The following DLGAP2 variants were observed in gnomAD, a reference collection of about 807,000 sequenced individuals.
DLGAP2 encodes the protein DLG associated protein 2.
A neutral mutation model predicts 100.3 loss-of-function variants in DLGAP2; 26 were observed. The ratio of observed to expected loss-of-function variants is 0.26; its 90% CI spans 0.19 to 0.36. The LOEUF (loss-of-function observed/expected upper bound fraction) is 0.36. Among genes scored for constraint, DLGAP2 ranks in the 10% least tolerant of loss-of-function variants. DLGAP2 has a pLI of 1.00. For missense variants in DLGAP2, 1,858 were observed against 1,453.2 expected (o/e 1.28, Z -4.53); for synonymous variants, 886 against 630.1 (o/e 1.41, Z -6.08).
intron 4 of DLGAP2, among the ~76,000 whole-genome samples, chr8:1,511,381 TAGATG>T (rs1800155881): frequency 6.9e-6 from 1 of 145,068 alleles, no homozygotes; most frequent in African/African-American, 2.5e-5. Context: ...GGACAATCAG[TAGATG>T]ACCATCTTCC....
chr8:1,493,452 C>A (rs750581405), intron 3 of DLGAP2, among the ~76,000 whole-genome samples: 1 of 152,158 alleles, frequency 6.6e-6, no homozygotes, highest in Non-Finnish European at 1.5e-5. Flanking sequence ...CACGCCTCTG[C>A]GAGCCCAGTG....
intron 3 of DLGAP2, among the ~76,000 whole-genome samples, chr8:1,287,153 TGTGTGCGCGC>T (rs1799940442): frequency 1.6e-5 from 2 of 127,720 alleles, no homozygotes; most frequent in Non-Finnish European, 3.5e-5. Context: ...TGTGTGTGTG[TGTGTGCGCGC>T]GCGCGCGTGG....
chr8:1,407,516 C>T (rs545409805), intron 3 of DLGAP2, among the ~76,000 whole-genome samples: 1 of 145,436 alleles, frequency 6.9e-6, no homozygotes, highest in African/African-American at 2.5e-5. Context: ...ACCTCCTCAT[C>T]GTCCAGAGTC....
intron 2 of DLGAP2, among the ~76,000 whole-genome samples, chr8:1,251,773 C>T (rs1236688449): frequency 6.6e-6 from 1 of 152,220 alleles, no homozygotes; most frequent in East Asian, 1.9e-4. Flanking sequence ...TCATCTTGTC[C>T]TAGGGTTGTG....
At chr8:1,569,624 A>G (rs1460756214) in intron 6 of DLGAP2, among the ~76,000 whole-genome samples, 2 of 152,192 alleles carry the variant, frequency 1.3e-5, no homozygotes, top group Non-Finnish European at 2.9e-5. Context: ...TCCATTTTAG[A>G]TGACATTGCT....
At chr8:1,191,131 A>G (rs1342500922) in intron 2 of DLGAP2, among the ~76,000 whole-genome samples, 1 of 152,064 alleles carries the variant, frequency 6.6e-6, no homozygotes, top group Non-Finnish European at 1.5e-5. Context: ...ACATTTTGTG[A>G]ATAAATTTCT....
chr8:1,471,772 C>A (rs1251322802), intron 3 of DLGAP2, among the ~76,000 whole-genome samples: 1 of 152,192 alleles, frequency 6.6e-6, no homozygotes, highest in Non-Finnish European at 1.5e-5. Context: ...CTACTCCCAT[C>A]CTTGGGTTCA....
At chr8:1,579,807 T>C (rs1363901766) in intron 6 of DLGAP2, among the ~76,000 whole-genome samples, 1 of 152,204 alleles carries the variant, frequency 6.6e-6, no homozygotes, top group Non-Finnish European at 1.5e-5. Flanking sequence ...ACACGGTACA[T>C]TGCCTAAGTG....
chr8:1,356,005 C>A (rs941725421), intron 3 of DLGAP2, among the ~76,000 whole-genome samples: 1 of 152,108 alleles, frequency 6.6e-6, no homozygotes, highest in African/African-American at 2.4e-5. Context: ...TTGTGTATTT[C>A]CCCCCTCCCT....
At chr8:896,623 A>G (rs563521308) in intron 1 of DLGAP2, among the ~76,000 whole-genome samples, 1 of 152,076 alleles carries the variant, frequency 6.6e-6, no homozygotes, top group African/African-American at 2.4e-5. Flanking sequence ...TGGGGCCCCC[A>G]TGTTGGTATT....
intron 6 of DLGAP2, among the ~76,000 whole-genome samples, chr8:1,574,760 A>C (rs141581269): frequency 6.6e-6 from 1 of 152,232 alleles, no homozygotes; most frequent in African/African-American, 2.4e-5. Context: ...AATATTTAAA[A>C]GCAGAAATTG....
intron 8 of DLGAP2, among the ~76,000 whole-genome samples, chr8:1,634,377 C>G (rs533418745): frequency 6.6e-6 from 1 of 152,242 alleles, no homozygotes; most frequent in African/African-American, 2.4e-5. Flanking sequence ...GCTTTCTGTA[C>G]GAGGGAGGGT....
intron 3 of DLGAP2, among the ~76,000 whole-genome samples, chr8:1,470,242 C>T (rs1042346062): frequency 8.5e-5 from 13 of 152,208 alleles, no homozygotes; most frequent in East Asian, 1.9e-4. Context: ...TCTCGCTGGA[C>T]GTCTACACTG....
At chr8:1,455,446 G>A (rs1474889300) in intron 3 of DLGAP2, among the ~76,000 whole-genome samples, 1 of 152,212 alleles carries the variant, frequency 6.6e-6, no homozygotes, top group African/African-American at 2.4e-5. Flanking sequence ...GGAGAGAGCT[G>A]AAAGGAAGAT....
At chr8:1,588,387 C>G (rs910659332) in intron 6 of DLGAP2, among the ~76,000 whole-genome samples, 2 of 152,124 alleles carry the variant, frequency 1.3e-5, no homozygotes, top group African/African-American at 4.8e-5. Flanking sequence ...CGGTGCTAAC[C>G]TTGAAGCAGC....
chr8:1,623,357 C>T (rs1243645549), intron 6 of DLGAP2, among the ~76,000 whole-genome samples: 6 of 146,312 alleles, frequency 4.1e-5, no homozygotes, highest in South Asian at 4.4e-4. Flanking sequence ...AAGACCTGTG[C>T]GTGATGACCT....
chr8:909,756 G>T (rs1360754097), intron 2 of DLGAP2, among the ~76,000 whole-genome samples: 2 of 152,148 alleles, frequency 1.3e-5, no homozygotes, highest in Non-Finnish European at 2.9e-5. Context: ...GAGAGGTGTT[G>T]GTTGAGATTA....
intron 12 of DLGAP2, among the ~76,000 whole-genome samples, chr8:1,681,847 G>A (rs547495720): frequency 5.3e-5 from 8 of 150,036 alleles, no homozygotes; most frequent in Middle Eastern, 3.4e-3. Context: ...GCGGTGACCC[G>A]GGACTGGGAG....
intron 1 of DLGAP2, among the ~76,000 whole-genome samples, chr8:781,399 A>C (rs1465513064): frequency 2.0e-5 from 3 of 152,178 alleles, no homozygotes; most frequent in African/African-American, 7.2e-5. Context: ...CACAGAAAAT[A>C]ATCGATAAGA....
Sources: gnomAD v4.1 joint callset for allele counts (sites outside exome capture counted in the v4.1 genomes callset) on GRCh38, gnomAD v4.1.1 for gene constraint, MANE v1.5 for transcripts, NCBI Gene and HGNC (gene_info 2026-07-23, HGNC 2026-07-21) for gene names.